The following MAP4K4 variants were observed in gnomAD, a reference collection of about 807,000 sequenced individuals.
MAP4K4 encodes the protein HPK/GCK-like kinase HGK.
In MAP4K4, 38 loss-of-function variants were observed where a neutral mutation model predicts 189.6. The ratio of observed to expected loss-of-function variants is 0.20; its 90% CI spans 0.15 to 0.26. The LOEUF (loss-of-function observed/expected upper bound fraction) is 0.26. Ranked by LOEUF, MAP4K4 falls within the 10% of genes least tolerant of loss-of-function variation. The pLI is 1.00. For missense variants in MAP4K4, 1,054 were observed against 1,726.9 expected, an observed-to-expected ratio of 0.61 and a Z score of 6.91; for synonymous variants, 610 against 624.3, an observed-to-expected ratio of 0.98 and a Z score of 0.34.
rs79037382 is a variant in MAP4K4, at chr2:101,752,358, G to A, written c.124-38362G>A. Reference sequence around the variant, plus strand: ...CACAGTGCACCAGCTTGTCTCTTACGGAGTGCTTAGTTTCTCAGCAGTTCA... The same window carrying A: ...CACAGTGCACCAGCTTGTCTCTTACAGAGTGCTTAGTTTCTCAGCAGTTCA... On this transcript the variant is annotated intron_variant, in intron 2 of 32. Coordinates refer to ENST00000324219, the Ensembl canonical transcript of MAP4K4. Among the ~76,000 whole-genome samples, 1,257 of 152,218 alleles carry A rather than the reference G, an allele frequency of 8.3e-3. 18 individuals are homozygous for A. Among genetic ancestry groups the A allele is most frequent in the African/African-American group, 0.029 (1,208 of 41,524 alleles).
intron 3 of MAP4K4, among the ~76,000 whole-genome samples, chr2:101,801,739 C>T (rs1311010082): frequency 6.6e-6 from 1 of 152,184 alleles, no homozygotes; most frequent in Non-Finnish European, 1.5e-5. Flanking sequence ...ACAGACACCT[C>T]TCCTGAGTGC....
At chr2:101,818,369 C>T (rs1433313589) in intron 3 of MAP4K4, among the ~76,000 whole-genome samples, 2 of 152,114 alleles carry the variant, frequency 1.3e-5, no homozygotes, top group East Asian at 3.9e-4. Flanking sequence ...AGTCAGTCGC[C>T]TTTTTCTTTT....
chr2:101,882,720 G>T (rs765232537), intron 28 of MAP4K4, 35 bp downstream of exon 28: 2 of 1,486,600 alleles, frequency 1.3e-6, no homozygotes, highest in Admixed American at 4.9e-5. Context: ...TGTTTTTCCA[G>T]AGTTTGATTA....
At position 101,713,145 on chromosome 2, in the gene MAP4K4, T is replaced by C. The variant is rs148020000; in HGVS notation, c.123+14607T>C. Among the ~76,000 whole-genome samples, 1,001 of 151,814 alleles carry C rather than the reference T, an allele frequency of 6.6e-3. 11 individuals are homozygous for C. The highest frequency in any genetic ancestry group is 0.023 in the African/African-American group (968 of 41,414). On this transcript the variant is annotated intron_variant, in intron 2 of 32. Transcript: ENST00000324219. ...ATCTCAAACTCCTGACCTCAGGTGATCCACCCACCTCCTCGGCCTCCCAAA... is the reference window on the plus strand; with the variant it reads ...ATCTCAAACTCCTGACCTCAGGTGACCCACCCACCTCCTCGGCCTCCCAAA...
In MAP4K4 at chr2:101,835,880, C is replaced by T. The variant is rs531474265; in HGVS notation, c.695-20C>T. On this transcript the variant is annotated intron_variant, in intron 8 of 32. Coordinates refer to ENST00000324219, the Ensembl canonical transcript of MAP4K4. ...GAGTGAAATAAGTGCCATACTGACACGACCGTCTCCTCTCCCCAGCTCTCT... is the reference window on the plus strand; with the variant it reads ...GAGTGAAATAAGTGCCATACTGACATGACCGTCTCCTCTCCCCAGCTCTCT... 136 of 1,558,328 alleles carry T rather than the reference C, an allele frequency of 8.7e-5. 1 individual carries two copies. In the South Asian group the frequency reaches 9.9e-4, roughly 11 times the overall value.
intron 2 of MAP4K4, among the ~76,000 whole-genome samples, chr2:101,757,873 T>G (rs766382184): frequency 2.0e-5 from 3 of 151,860 alleles, no homozygotes; most frequent in Non-Finnish European, 4.4e-5. Flanking sequence ...TAGAAAAAAT[T>G]ATTTTTACAG....
At chr2:101,737,822 C>T (rs565631092) in intron 2 of MAP4K4, among the ~76,000 whole-genome samples, 21 of 152,072 alleles carry the variant, frequency 1.4e-4, no homozygotes, top group Non-Finnish European at 2.4e-4. Context: ...CTCTCTCCCC[C>T]CTCTTTCTCC....
chr2:101,864,664 G>A (rs1272883106), intron 17 of MAP4K4, among the ~76,000 whole-genome samples: 1 of 152,078 alleles, frequency 6.6e-6, no homozygotes, highest in Non-Finnish European at 1.5e-5. Flanking sequence ...GTATGTCCCT[G>A]CTACCAAGCT....
intron 3 of MAP4K4, among the ~76,000 whole-genome samples, chr2:101,795,622 C>T (rs1272516966): frequency 6.6e-6 from 1 of 152,122 alleles, no homozygotes; most frequent in East Asian, 1.9e-4. Context: ...GGAATACTCT[C>T]CTCTGAGGAG....
intron 3 of MAP4K4, among the ~76,000 whole-genome samples, chr2:101,804,200 G>GA (rs1558999153): frequency 1.3e-5 from 2 of 152,170 alleles, no homozygotes; most frequent in South Asian, 4.1e-4. Context: ...AGGGAACCCA[G>GA]ATTATATTTT....
At chr2:101,742,959 C>A (rs527271365) in intron 2 of MAP4K4, among the ~76,000 whole-genome samples, 1 of 152,160 alleles carries the variant, frequency 6.6e-6, no homozygotes, top group East Asian at 1.9e-4. Context: ...ATCAGGCCCA[C>A]GTCCTGCTCT....
intron 3 of MAP4K4, among the ~76,000 whole-genome samples, chr2:101,811,837 G>A (rs981491308): frequency 6.6e-6 from 1 of 152,122 alleles, no homozygotes; most frequent in African/African-American, 2.4e-5. Context: ...TGGTAAATTT[G>A]GCAGTTGGTA....
At chr2:101,857,431 A>G (rs543062652) in intron 13 of MAP4K4, among the ~76,000 whole-genome samples, 2 of 152,322 alleles carry the variant, frequency 1.3e-5, no homozygotes, top group South Asian at 2.1e-4. Flanking sequence ...TGGAGAGGAC[A>G]TGATTTTTCC....
At chr2:101,861,962 C>T (rs1029116625) in intron 16 of MAP4K4, 6 of 149,600 alleles carry the variant, frequency 4.0e-5, no homozygotes, top group African/African-American at 1.5e-4. Flanking sequence ...GGCTGGGGCA[C>T]AGTGGCACGT....
At chr2:101,839,874 C>T in exon 10 of MAP4K4, 1 of 1,612,356 alleles carries the variant, frequency 6.2e-7, no homozygotes, top group Non-Finnish European at 8.5e-7. Flanking sequence ...TTACATGCAG[C>T]GGCCCTCTAC....
chr2:101,706,302 T>G (rs6734799), intron 2 of MAP4K4, among the ~76,000 whole-genome samples: 1 of 152,070 alleles, frequency 6.6e-6, no homozygotes, highest in East Asian at 1.9e-4. Flanking sequence ...TCAATAGTAG[T>G]TGAATATTTA....
intron 12 of MAP4K4, among the ~76,000 whole-genome samples, chr2:101,854,430 GGAAAAGGAGATTCCCCC>G (rs1331906471): frequency 6.6e-6 from 1 of 152,126 alleles, no homozygotes; most frequent in African/African-American, 2.4e-5. Context: ...AGAGAATGGG[GGAAAAGGAGATTCCCCC>G]ATTGAAAACC....
chr2:101,779,123 G>A (rs113495535), intron 2 of MAP4K4, among the ~76,000 whole-genome samples: 168 of 152,258 alleles, frequency 1.1e-3, no homozygotes, highest in African/African-American at 3.8e-3. Context: ...TATATTTGTT[G>A]AGAGAATGAA....
At chr2:101,706,682 A>G (rs976765113) in intron 2 of MAP4K4, among the ~76,000 whole-genome samples, 6 of 152,146 alleles carry the variant, frequency 3.9e-5, no homozygotes, top group Admixed American at 2.0e-4. Flanking sequence ...CCTCATAGCT[A>G]TGCAGGTATG....
Sources: allele counts gnomAD v4.1 joint callset (sites outside exome capture counted in the v4.1 genomes callset), GRCh38; gene constraint gnomAD v4.1.1; transcripts MANE v1.5; gene names NCBI Gene and HGNC (gene_info 2026-07-23, HGNC 2026-07-21).